The following IMPG1 variants were observed in gnomAD, a reference collection of about 807,000 sequenced individuals.
IMPG1 encodes interphotoreceptor matrix proteoglycan of 150 kDa.
A neutral mutation model predicts 92.0 loss-of-function variants in IMPG1; 85 were observed. That is an observed-to-expected ratio of 0.92 (90% CI 0.78 to 1.11). The LOEUF (loss-of-function observed/expected upper bound fraction) is 1.11, where lower values mean the gene tolerates loss of function less well. Among genes scored for constraint, IMPG1 ranks in the 50% least tolerant of loss-of-function variants. IMPG1 has a pLI of 0.00. For missense variants in IMPG1, 1,022 were observed against 956.0 expected, an observed-to-expected ratio of 1.07 and a Z score of -0.91; for synonymous variants, 367 against 334.1, an observed-to-expected ratio of 1.10 and a Z score of -1.08.
chr6:76,003,942 C>G lies in IMPG1; in HGVS notation c.1144G>C (p.Gly382Arg). 1 of 1,611,426 alleles carries G rather than the reference C, an allele frequency of 6.2e-7. No homozygotes were observed. The highest frequency in any genetic ancestry group is 1.1e-5 in the South Asian group (1 of 90,682). The change falls in exon 11 of 17, where the codon GGA becomes CGA. Residue 382 changes from glycine to arginine, a missense_variant. This residue lies in a region of IMPG1 where 681 missense variants were observed against 583.6 expected (regional missense o/e 1.17). Transcript: ENST00000369950. Reference protein sequence around the residue: ...GTIQFTDEIAGSLPAFGPDTQ... With the variant: ...GTIQFTDEIARSLPAFGPDTQ... Reference sequence around the variant, plus strand: ...TCAGGACCAAAGGCTGGCAGTGATCCAGCAATTTCTATGGGTAAAAAATCA... The same window carrying G: ...TCAGGACCAAAGGCTGGCAGTGATCGAGCAATTTCTATGGGTAAAAAATCA...
intron 13 of IMPG1, among the ~76,000 whole-genome samples, chr6:75,949,511 C>T (rs780264501): frequency 6.6e-6 from 1 of 152,216 alleles, no homozygotes; most frequent in Non-Finnish European, 1.5e-5. Flanking sequence ...GGGCAACCAG[C>T]AGCCCTCGGG....
chr6:75,955,407 C>G (rs1191810004), intron 12 of IMPG1, among the ~76,000 whole-genome samples: 1 of 152,114 alleles, frequency 6.6e-6, no homozygotes, highest in Non-Finnish European at 1.5e-5. Context: ...TGCTTTGGCT[C>G]TCTGTTTGTC....
intron 14 of IMPG1, among the ~76,000 whole-genome samples, chr6:75,932,073 T>G (rs1340752039): frequency 6.6e-6 from 1 of 152,258 alleles, no homozygotes; most frequent in Non-Finnish European, 1.5e-5. Context: ...TTTCAGATTA[T>G]TCTTTAACCA....
chr6:75,990,758 A>G (rs1316013340), intron 12 of IMPG1, among the ~76,000 whole-genome samples: 2 of 151,922 alleles, frequency 1.3e-5, no homozygotes, highest in African/African-American at 4.8e-5. Context: ...GTAAACTGAC[A>G]ACTGCATGCA....
In IMPG1 at chr6:75,947,387, C is replaced by G; in HGVS notation, c.1971G>C (p.Leu657Phe). The change falls in exon 14 of 17, where the codon TTG (leucine) becomes TTC (phenylalanine). Residue 657 changes from leucine to phenylalanine, a missense_variant. Transcript: ENST00000369950. ...GGGCTGCAGCAGAACGAAAATCCTCCAAGACCCCGTGCACAGCCTTGGTGA... is the reference window on the plus strand; with the variant it reads ...GGGCTGCAGCAGAACGAAAATCCTCGAAGACCCCGTGCACAGCCTTGGTGA... ...YNLTKAVHGV[L>F]EDFRSAAAQQ... 1 of 1,613,964 alleles carries G rather than the reference C, an allele frequency of 6.2e-7. No homozygotes were observed. The highest frequency in any genetic ancestry group is 8.5e-7 in the Non-Finnish European group (1 of 1,179,920).
At chr6:75,939,633 A>C (rs529183007) in intron 14 of IMPG1, among the ~76,000 whole-genome samples, 1 of 152,304 alleles carries the variant, frequency 6.6e-6, no homozygotes, top group South Asian at 2.1e-4. Flanking sequence ...TTTTTCTTAC[A>C]GCAGTTAGTT....
intron 1 of IMPG1, among the ~76,000 whole-genome samples, chr6:76,042,598 T>TAGGA (rs1376726994): frequency 6.6e-6 from 1 of 152,120 alleles, no homozygotes; most frequent in Non-Finnish European, 1.5e-5. Flanking sequence ...GTGGTAGCCC[T>TAGGA]AGGAATTCTA....
At chr6:75,945,008 A>T (rs1781902242) in intron 14 of IMPG1, among the ~76,000 whole-genome samples, 1 of 151,882 alleles carries the variant, frequency 6.6e-6, no homozygotes, top group Non-Finnish European at 1.5e-5. Context: ...CATAAATGTG[A>T]CTCTGCTGGG....
intron 1 of IMPG1, among the ~76,000 whole-genome samples, chr6:76,071,711 G>T (rs759308709): frequency 2.6e-5 from 4 of 152,034 alleles, no homozygotes; most frequent in Non-Finnish European, 4.4e-5. Flanking sequence ...GTCTTAAAAA[G>T]ATTGAGTATA....
chr6:75,962,907 G>A (rs1259438353), intron 12 of IMPG1, among the ~76,000 whole-genome samples: 1 of 152,052 alleles, frequency 6.6e-6, no homozygotes, highest in African/African-American at 2.4e-5. Context: ...CAGGTGTGGT[G>A]GCACGTGCCT....
At chr6:75,965,821 A>G (rs1265231610) in intron 12 of IMPG1, among the ~76,000 whole-genome samples, 1 of 151,828 alleles carries the variant, frequency 6.6e-6, no homozygotes, top group Non-Finnish European at 1.5e-5. Flanking sequence ...GTTAGCCAGG[A>G]TGGTCTCGAT....
chr6:76,018,011 A>G (rs1439380399), intron 7 of IMPG1, among the ~76,000 whole-genome samples: 6 of 152,122 alleles, frequency 3.9e-5, no homozygotes, highest in Non-Finnish European at 1.5e-5. Flanking sequence ...CCAAAGTGCT[A>G]GGATTACAGG....
At chr6:75,989,005 A>G (rs183544263) in intron 12 of IMPG1, among the ~76,000 whole-genome samples, 2 of 152,304 alleles carry the variant, frequency 1.3e-5, no homozygotes, top group East Asian at 3.8e-4. Context: ...TAGCGATTTC[A>G]GTTTTGTTCT....
intron 12 of IMPG1, among the ~76,000 whole-genome samples, chr6:75,974,449 C>CTTCCTTCCTTCCTTCCTTCCTTCT: frequency 7.4e-6 from 1 of 134,264 alleles, no homozygotes; most frequent in Admixed American, 7.9e-5. Flanking sequence ...TCCTTCCTTC[C>CTTCCTTCCTTCCTTCCTTCCTTCT]TTCTTTCTTC....
At chr6:75,957,660 A>G (rs1280721603) in intron 12 of IMPG1, among the ~76,000 whole-genome samples, 3 of 152,170 alleles carry the variant, frequency 2.0e-5, no homozygotes, top group Non-Finnish European at 4.4e-5. Context: ...CCATTATGTA[A>G]TGCCCTGCTT....
chr6:76,015,302 A>G (rs1451482035), intron 7 of IMPG1, among the ~76,000 whole-genome samples: 1 of 152,176 alleles, frequency 6.6e-6, no homozygotes, highest in Non-Finnish European at 1.5e-5. Flanking sequence ...CTGATTAGTT[A>G]TCTGATGGCA....
rs1367685293 is a variant in IMPG1, at chr6:75,922,001, C to T, written c.*88G>A. 4 of 683,368 alleles carry T rather than the reference C, an allele frequency of 5.9e-6. No homozygotes were observed. The East Asian group carries it at 1.1e-4, about 19-fold the overall frequency. The allele number at this position is 683,368 out of a possible 1,614,324, so 42.3% of individuals were successfully genotyped here. On this transcript the variant is annotated 3_prime_UTR_variant, in exon 17 of 17. Coordinates refer to ENST00000369950, the MANE Select transcript of IMPG1 (RefSeq NM_001563.4). ...TGACTGTATGTCTGGATTTTGATGA[C>T]CCATGAATATGCCTGTCTCCATTTT...
intron 1 of IMPG1, among the ~76,000 whole-genome samples, chr6:76,052,215 A>T (rs1009987387): frequency 6.6e-6 from 1 of 152,112 alleles, no homozygotes; most frequent in African/African-American, 2.4e-5. Context: ...GGGAGTGAAG[A>T]GGTAGGAGTC....
chr6:76,024,026 G>A (rs1158450999), intron 5 of IMPG1, among the ~76,000 whole-genome samples: 1 of 152,046 alleles, frequency 6.6e-6, no homozygotes, highest in Non-Finnish European at 1.5e-5. Context: ...TCAAATTTGA[G>A]CTGTTTATAT....
Sources: allele counts gnomAD v4.1 joint callset (sites outside exome capture counted in the v4.1 genomes callset), GRCh38; gene constraint gnomAD v4.1.1; regional missense constraint gnomAD v4.1.1; transcripts MANE v1.5; gene names NCBI Gene and HGNC (gene_info 2026-07-23, HGNC 2026-07-21).